WHRN: variants seen among roughly 807,000 people sequenced by gnomAD.
WHRN encodes whirlin, also known as CASK-interacting protein CIP98.
In WHRN, 41 loss-of-function variants were observed where a neutral mutation model predicts 68.3. That is an observed-to-expected ratio of 0.60 (90% CI 0.47 to 0.78). The LOEUF is 0.78. Among genes scored for constraint, WHRN ranks in the 30% least tolerant of loss-of-function variants. The probability of loss-of-function intolerance (pLI) is 0.00; values close to 1 mark genes in which losing one functional copy is unlikely to be tolerated. For synonymous variants in WHRN, 560 were observed against 561.3 expected, an observed-to-expected ratio of 1.00 and a Z score of 0.03; for missense variants, 1,243 against 1,244.7, an observed-to-expected ratio of 1.00 and a Z score of 0.02.
intron 3 of WHRN, among the ~76,000 whole-genome samples, chr9:114,442,278 G>A (rs564181861): frequency 6.6e-6 from 1 of 152,308 alleles, no homozygotes; most frequent in African/African-American, 2.4e-5. Context: ...AAATGCTGGG[G>A]CTATGCAGAT....
intron 11 of WHRN, 22 bp downstream of exon 11, chr9:114,403,195 A>T: frequency 1.2e-6 from 2 of 1,613,864 alleles, no homozygotes; most frequent in Non-Finnish European, 1.7e-6. Context: ...AGAGATGGCA[A>T]GTGGGGCCCC....
At chr9:114,478,396 C>T (rs750736339) in intron 2 of WHRN, 157 bp downstream of exon 2, 1 of 818,140 alleles carries the variant, frequency 1.2e-6, no homozygotes, top group Non-Finnish European at 2.1e-6. Flanking sequence ...AAAAGAAAAG[C>T]AAAGAAAAAA....
At chr9:114,439,253 C>T (rs960635039) in intron 3 of WHRN, among the ~76,000 whole-genome samples, 1 of 152,112 alleles carries the variant, frequency 6.6e-6, no homozygotes, top group African/African-American at 2.4e-5. Flanking sequence ...ATGGGGGAAA[C>T]CCTATTCAAT....
At chr9:114,501,462 G>A (rs377132981) in intron 1 of WHRN, among the ~76,000 whole-genome samples, 9 of 151,708 alleles carry the variant, frequency 5.9e-5, no homozygotes, top group East Asian at 5.8e-4. Context: ...AACTTTGCTC[G>A]ACCCACTCTT....
chr9:114,437,563 C>T (rs1010684362), intron 3 of WHRN, among the ~76,000 whole-genome samples: 1 of 152,112 alleles, frequency 6.6e-6, no homozygotes, highest in Non-Finnish European at 1.5e-5. Context: ...GAGGTAAATA[C>T]AGTTACCTTC....
intron 1 of WHRN, among the ~76,000 whole-genome samples, chr9:114,494,100 C>CG (rs938460083): frequency 7.2e-4 from 109 of 152,226 alleles, no homozygotes; most frequent in African/African-American, 2.4e-3. Context: ...AGTCCTCTCC[C>CG]GGGGGGGTAT....
chr9:114,403,828 G>C (rs1834833483), intron 10 of WHRN, 68 bp downstream of exon 10: 1 of 1,584,620 alleles, frequency 6.3e-7, no homozygotes, highest in African/African-American at 1.3e-5. Context: ...CTGGTCCCGG[G>C]ACCTCCCATT....
At chr9:114,463,045 C>T (rs1265215575) in intron 3 of WHRN, among the ~76,000 whole-genome samples, 3 of 152,190 alleles carry the variant, frequency 2.0e-5, no homozygotes, top group Admixed American at 1.3e-4. Flanking sequence ...CCACCAACAA[C>T]GTTACGTAAG....
Position 114,478,717 on chromosome 9 carries a change from G to T in WHRN, c.673C>A (p.Pro225Thr). 6.2e-7 allele frequency: 1 copy of T among 1,609,906 alleles called. No homozygotes were observed. ...ATGTGGTTGGTGACGTAGCCCCCAGGGATGCGCCCTGCTGAGTACACAGAC... is the reference window on the plus strand; with the variant it reads ...ATGTGGTTGGTGACGTAGCCCCCAGTGATGCGCCCTGCTGAGTACACAGAC... ...VLSVYSAGRI[P>T]GGYVTNHIYT... The change falls in exon 2 of 12, where the codon CCT becomes ACT. Residue 225 changes from proline to threonine, a missense_variant. Physicochemically the swap from Pro to Thr is conservative, Grantham distance 38 (BLOSUM62 -1). Coordinates refer to ENST00000362057, the MANE Select transcript of WHRN (RefSeq NM_015404.4).
At chr9:114,473,570 C>A (rs1411824635) in intron 2 of WHRN, among the ~76,000 whole-genome samples, 1 of 152,186 alleles carries the variant, frequency 6.6e-6, no homozygotes, top group Non-Finnish European at 1.5e-5. Context: ...ATAGGACTTG[C>A]CTGCCAGTCA....
At chr9:114,411,234 C>T (rs1808051902) in intron 7 of WHRN, among the ~76,000 whole-genome samples, 1 of 152,158 alleles carries the variant, frequency 6.6e-6, no homozygotes, top group South Asian at 2.1e-4. Flanking sequence ...ATAATGAGTC[C>T]AATGCTCCCT....
At chr9:114,416,207 T>G (rs1835806878) in intron 7 of WHRN, among the ~76,000 whole-genome samples, 1 of 152,114 alleles carries the variant, frequency 6.6e-6, no homozygotes, top group Non-Finnish European at 1.5e-5. Context: ...GAGCACAAAC[T>G]CTCTCAAATC....
intron 2 of WHRN, among the ~76,000 whole-genome samples, chr9:114,475,666 C>T (rs1354824078): frequency 6.6e-6 from 1 of 152,146 alleles, no homozygotes; most frequent in African/African-American, 2.4e-5. Context: ...CTGGCCGTGG[C>T]TTTTTGGACT....
At chr9:114,418,204 C>T (rs1164635194) in intron 7 of WHRN, among the ~76,000 whole-genome samples, 1 of 152,114 alleles carries the variant, frequency 6.6e-6, no homozygotes, top group African/African-American at 2.4e-5. Context: ...CCACAGCAGT[C>T]GCTCCTGAGG....
At chr9:114,467,911 C>G (rs1428276508) in intron 2 of WHRN, among the ~76,000 whole-genome samples, 4 of 152,170 alleles carry the variant, frequency 2.6e-5, no homozygotes, top group Non-Finnish European at 5.9e-5. Flanking sequence ...CTTCAGGCAC[C>G]AGGAAAGACA....
chr9:114,482,080 G>A (rs1842135963), intron 1 of WHRN, among the ~76,000 whole-genome samples: 1 of 152,060 alleles, frequency 6.6e-6, no homozygotes, highest in Non-Finnish European at 1.5e-5. Context: ...TGAAACTTGT[G>A]CATAGTGAAG....
At chr9:114,435,553 T>C (rs1228571724) in intron 3 of WHRN, among the ~76,000 whole-genome samples, 1 of 152,160 alleles carries the variant, frequency 6.6e-6, no homozygotes, top group Non-Finnish European at 1.5e-5. Flanking sequence ...GGAAATGGTG[T>C]ACATTTAATC....
chr9:114,474,938 T>A (rs958765054), intron 2 of WHRN, among the ~76,000 whole-genome samples: 2 of 152,012 alleles, frequency 1.3e-5, no homozygotes, highest in African/African-American at 4.8e-5. Context: ...TGAAGACAGA[T>A]CAGGAAAAAA....
intron 3 of WHRN, among the ~76,000 whole-genome samples, chr9:114,447,769 TCTC>T (rs1838962800): frequency 6.6e-6 from 1 of 152,034 alleles, no homozygotes; most frequent in Non-Finnish European, 1.5e-5. Flanking sequence ...TTTCTCTCTC[TCTC>T]TTTCTCTCTG....
Sources: allele counts gnomAD v4.1 joint callset (sites outside exome capture counted in the v4.1 genomes callset), GRCh38; gene constraint gnomAD v4.1.1; transcripts MANE v1.5; gene names NCBI Gene and HGNC (gene_info 2026-07-23, HGNC 2026-07-21).